LIMD1: variants seen among roughly 807,000 people sequenced by gnomAD.
LIMD1 encodes the protein LIM domain containing 1, also known as LIM domain-containing protein 1.
Under a neutral mutation model 58.4 loss-of-function variants are expected in LIMD1, and 23 were observed. The ratio of observed to expected loss-of-function variants is 0.39; its 90% confidence interval spans 0.28 to 0.56. The LOEUF is 0.56. Among genes scored for constraint, LIMD1 ranks in the 20% least tolerant of loss-of-function variants. LIMD1 has a pLI of 0.57. For synonymous variants in LIMD1, 334 were observed against 345.5 expected, an observed-to-expected ratio of 0.97 and a Z score of 0.37; for missense variants, 838 against 855.5, an observed-to-expected ratio of 0.98 and a Z score of 0.25.
intron 7 of LIMD1, among the ~76,000 whole-genome samples, chr3:45,676,512 T>G (rs371565959): frequency 2.0e-5 from 3 of 152,326 alleles, no homozygotes; most frequent in East Asian, 1.9e-4. Context: ...GTCCATGTGT[T>G]CTCATTGTTC....
At chr3:45,623,005 C>G (rs1470986586) in intron 1 of LIMD1, among the ~76,000 whole-genome samples, 1 of 152,128 alleles carries the variant, frequency 6.6e-6, no homozygotes, top group Non-Finnish European at 1.5e-5. Context: ...AAACTGCCCT[C>G]CAGAAAGGTT....
chr3:45,661,984 C>A (rs1365377686), intron 2 of LIMD1, among the ~76,000 whole-genome samples: 1 of 152,162 alleles, frequency 6.6e-6, no homozygotes, highest in Non-Finnish European at 1.5e-5. Flanking sequence ...TCTTGAGCTC[C>A]TGGGTTCAAG....
intron 2 of LIMD1, among the ~76,000 whole-genome samples, chr3:45,663,851 G>T (rs1021044160): frequency 1.4e-5 from 2 of 141,156 alleles, no homozygotes; most frequent in Non-Finnish European, 3.1e-5. Flanking sequence ...AGTAGTGCGT[G>T]GCACCATGCC....
intron 3 of LIMD1, among the ~76,000 whole-genome samples, chr3:45,667,342 C>T (rs1382524685): frequency 6.6e-6 from 1 of 152,180 alleles, no homozygotes; most frequent in Non-Finnish European, 1.5e-5. Flanking sequence ...ATGGGAGCCA[C>T]GTGGTGTGGA....
intron 2 of LIMD1, among the ~76,000 whole-genome samples, chr3:45,652,915 G>C (rs934785558): frequency 1.3e-4 from 20 of 152,190 alleles, no homozygotes; most frequent in African/African-American, 4.6e-4. Flanking sequence ...ATAAGACAAA[G>C]ACTTTGGAGT....
chr3:45,604,761 C>T lies in LIMD1; in HGVS notation c.1408+8474C>T, dbSNP rs546294857. Among the ~76,000 whole-genome samples the T allele has an allele frequency of 1.1e-4, 16 of 152,234 alleles. No individual in the cohort carries two copies. The East Asian group carries it at 2.9e-3, about 28-fold the overall frequency. ...GATCTGCTGGGAGCTGTAGCCCTGG[C>T]GCGTCCCGACATGGATTCCCACAGC... On this transcript the variant is annotated intron_variant, in intron 1 of 7. Coordinates refer to ENST00000273317, the MANE Select transcript of LIMD1 (RefSeq NM_014240.3).
intron 2 of LIMD1, among the ~76,000 whole-genome samples, chr3:45,649,733 GAT>G (rs1052795667): frequency 7.2e-6 from 1 of 139,522 alleles, no homozygotes. Context: ...AAATTATATA[GAT>G]ATATTTATAT....
In LIMD1 at chr3:45,594,778, A is replaced by AACACACACAC. The variant is rs57091993; in HGVS notation, c.-45_-36dup. 2.9e-3 allele frequency: 2,111 copies of AACACACACAC among 731,392 alleles called. 108 individuals are homozygous for AACACACACAC. Among genetic ancestry groups the AACACACACAC allele is most frequent in the African/African-American group, 8.0e-3 (306 of 38,026 alleles). 45.3% of individuals were successfully genotyped at this position (731,392 alleles called of 1,614,324 possible). On this transcript the variant is annotated 5_prime_UTR_variant, in exon 1 of 8. Transcript: ENST00000273317. Reference sequence around the variant, plus strand: ...TCGCCAGCATCTCCCCGCTGCCCTCAACACACACACACACACACACACACA... The same window carrying AACACACACAC: ...TCGCCAGCATCTCCCCGCTGCCCTCAACACACACACACACACACACACACACACACACACA...
intron 4 of LIMD1, among the ~76,000 whole-genome samples, chr3:45,670,026 C>T (rs961118142): frequency 5.9e-5 from 9 of 152,248 alleles, no homozygotes; most frequent in Middle Eastern, 3.4e-3. Context: ...GAGGTCTTAG[C>T]CCTATTAGAG....
chr3:45,659,134 G>T (rs116156892), intron 2 of LIMD1, among the ~76,000 whole-genome samples: 3,305 of 152,156 alleles, frequency 0.022, 110 homozygotes, highest in African/African-American at 0.075. Flanking sequence ...ATACTAGAAA[G>T]AAAATTTAAA....
intron 1 of LIMD1, among the ~76,000 whole-genome samples, chr3:45,610,521 G>A (rs777076956): frequency 1.3e-5 from 2 of 152,198 alleles, no homozygotes; most frequent in Admixed American, 6.5e-5. Flanking sequence ...GGCCTGCGCA[G>A]GTTTGGCAGG....
intron 2 of LIMD1, among the ~76,000 whole-genome samples, chr3:45,663,248 T>A (rs923069928): frequency 6.6e-6 from 1 of 152,242 alleles, no homozygotes; most frequent in Admixed American, 6.5e-5. Flanking sequence ...AGTTTTTCCA[T>A]AACAACGTTG....
At chr3:45,640,031 TG>T (rs1436111831) in intron 2 of LIMD1, among the ~76,000 whole-genome samples, 1 of 152,260 alleles carries the variant, frequency 6.6e-6, no homozygotes, top group Non-Finnish European at 1.5e-5. Flanking sequence ...GATGAGTCTG[TG>T]GGTTCCACCC....
At chr3:45,619,178 TA>T (rs1445862461) in intron 1 of LIMD1, among the ~76,000 whole-genome samples, 2 of 152,152 alleles carry the variant, frequency 1.3e-5, no homozygotes, top group Non-Finnish European at 2.9e-5. Flanking sequence ...ATTTATCTAT[TA>T]TTTTTTTTTC....
intron 4 of LIMD1, among the ~76,000 whole-genome samples, chr3:45,670,348 C>T (rs1667852017): frequency 6.6e-6 from 1 of 152,134 alleles, no homozygotes; most frequent in South Asian, 2.1e-4. Context: ...TGACAAACCA[C>T]CCTAAAACTT....
chr3:45,662,843 G>T (rs969821143), intron 2 of LIMD1, among the ~76,000 whole-genome samples: 1 of 152,148 alleles, frequency 6.6e-6, no homozygotes, highest in African/African-American at 2.4e-5. Flanking sequence ...AATTAGCCGG[G>T]TATGGTGGTG....
At position 45,616,350 on chromosome 3, in the gene LIMD1, ATTGTTAGAAGGTTT is replaced by A. The variant is rs143891920; in HGVS notation, c.1409-19797_1409-19784del. Among the ~76,000 whole-genome samples, 197 of 152,138 alleles carry A rather than the reference ATTGTTAGAAGGTTT, an allele frequency of 1.3e-3. 6 individuals carry two copies. The East Asian group carries it at 0.031, about 24-fold the overall frequency. On this transcript the variant is annotated intron_variant, in intron 1 of 7. Coordinates refer to ENST00000273317, the MANE Select transcript of LIMD1 (RefSeq NM_014240.3). Reference sequence around the variant, plus strand: ...GCTGGACAAGTGTCAATGAGTTGAGATTGTTAGAAGGTTTTTCTTCTCCAGCCAGCAGCCTTCCC... The same window carrying A: ...GCTGGACAAGTGTCAATGAGTTGAGATTCTTCTCCAGCCAGCAGCCTTCCC...
chr3:45,661,173 T>C (rs1233458013), intron 2 of LIMD1, among the ~76,000 whole-genome samples: 1 of 152,178 alleles, frequency 6.6e-6, no homozygotes, highest in Non-Finnish European at 1.5e-5. Flanking sequence ...TCCATTAAAC[T>C]TTGTTTCAGG....
chr3:45,660,090 T>C (rs1413621842), intron 2 of LIMD1, among the ~76,000 whole-genome samples: 1 of 152,228 alleles, frequency 6.6e-6, no homozygotes, highest in Non-Finnish European at 1.5e-5. Context: ...CCAGCTCAGA[T>C]TCCTTAGAAC....
Sources: gnomAD v4.1 joint callset for allele counts (sites outside exome capture counted in the v4.1 genomes callset) on GRCh38, gnomAD v4.1.1 for gene constraint, MANE v1.5 for transcripts, NCBI Gene and HGNC (gene_info 2026-07-23, HGNC 2026-07-21) for gene names.